Variants in C16orf89 observed in about 807,000 individuals in gnomAD.
The protein encoded by C16orf89 is chromosome 16 open reading frame 89.
A neutral mutation model predicts 41.5 loss-of-function variants in C16orf89; 57 were observed. The observed-to-expected ratio is 1.38, with a 90% CI of 1.11 to 1.71. The LOEUF is 1.71. Among genes scored for constraint, C16orf89 ranks in the 40% most tolerant of loss-of-function variants. The pLI is 0.00. For synonymous variants in C16orf89, 223 were observed against 190.6 expected (o/e 1.17, Z -1.40); for missense variants, 575 against 445.9 (o/e 1.29, Z -2.61).
intron 4 of C16orf89, 32 bp from the exon 5 acceptor site, chr16:5,056,220 T>C: frequency 6.4e-7 from 1 of 1,568,262 alleles, no homozygotes; most frequent in Non-Finnish European, 8.7e-7. Flanking sequence ...GACAAGGGAG[T>C]CAGTGGTACA....
Position 5,056,035 on chromosome 16 carries a change from G to T in C16orf89, c.763+18C>A, listed in dbSNP as rs1956494782. 2.5e-6 allele frequency: 4 copies of T among 1,580,506 alleles called. No homozygotes were observed. Among genetic ancestry groups the T allele is most frequent in the South Asian group, 1.1e-5 (1 of 89,168 alleles). ...GACACCCTGTTCCTTTGCCCCGGGG[G>T]CAGAATGCTGGCCATACTGTTTTCC... On this transcript the variant is annotated intron_variant, in intron 5 of 7. Transcript: ENST00000472572.
chr16:5,054,334 G>C (rs1363626698), intron 6 of C16orf89, among the ~76,000 whole-genome samples: 2 of 152,136 alleles, frequency 1.3e-5, no homozygotes, highest in Non-Finnish European at 2.9e-5. Context: ...AAAGGGACCA[G>C]CTGTCCATTG....
intron 7 of C16orf89, chr16:5,044,680 A>G (rs1344415772): frequency 9.1e-7 from 1 of 1,101,552 alleles, no homozygotes; most frequent in African/African-American, 1.6e-5. Context: ...TGTCTCTACT[A>G]AAAAAATATA....
chr16:5,060,536 G>T, intron 2 of C16orf89, 100 bp from the exon 3 acceptor site: 1 of 1,273,092 alleles, frequency 7.9e-7, no homozygotes, highest in Non-Finnish European at 1.1e-6. Context: ...CTGCCCACTG[G>T]CAGGTGCAGC....
chr16:5,056,052 C>G lies in C16orf89; in HGVS notation c.763+1G>C. On this transcript the variant is annotated splice_donor_variant, in intron 5 of 7. Transcript: ENST00000472572. LOFTEE classifies it high-confidence loss of function. The stretch of plus-strand genomic sequence containing the variant: ...CCCCGGGGGCAGAATGCTGGCCATA[C>G]TGTTTTCCATGAAGATGTCCCGGGT... 6.3e-7 allele frequency: 1 copy of G among 1,588,870 alleles called. No homozygotes were observed. The highest frequency in any genetic ancestry group is 2.3e-5 in the East Asian group (1 of 43,812).
intron 2 of C16orf89, among the ~76,000 whole-genome samples, chr16:5,061,769 G>A (rs1052962411): frequency 4.6e-5 from 7 of 152,092 alleles, no homozygotes; most frequent in African/African-American, 1.7e-4. Flanking sequence ...CTACCTCCCC[G>A]CTCACCCCCA....
intron 6 of C16orf89, among the ~76,000 whole-genome samples, chr16:5,051,129 G>A (rs2142619194): frequency 6.6e-6 from 1 of 152,264 alleles, no homozygotes; most frequent in Middle Eastern, 3.4e-3. Flanking sequence ...AGCTTTTCCT[G>A]TAAGAACTGG....
intron 6 of C16orf89, among the ~76,000 whole-genome samples, chr16:5,053,863 C>T (rs62036228): frequency 6.6e-5 from 10 of 152,014 alleles, no homozygotes; most frequent in African/African-American, 1.5e-4. Flanking sequence ...GCTAGAAGAG[C>T]GAATTTGGAA....
intron 6 of C16orf89, among the ~76,000 whole-genome samples, chr16:5,048,454 G>C (rs748128237): frequency 2.0e-5 from 3 of 152,196 alleles, no homozygotes. Flanking sequence ...CCTGTCTGCA[G>C]ATCCTTTTGC....
chr16:5,063,950 A>T (rs1956681953), intron 1 of C16orf89, among the ~76,000 whole-genome samples: 1 of 152,090 alleles, frequency 6.6e-6, no homozygotes, highest in Non-Finnish European at 1.5e-5. Flanking sequence ...AACATGGTAA[A>T]ACCTCATCTC....
intron 3 of C16orf89, 151 bp downstream of exon 3, chr16:5,060,135 G>A (rs1301996693): frequency 1.1e-5 from 10 of 938,076 alleles, no homozygotes; most frequent in Non-Finnish European, 1.2e-5. Flanking sequence ...GAGTAGGAGA[G>A]GGCAGTACCC....
intron 6 of C16orf89, 30 bp downstream of exon 6, chr16:5,055,216 C>A: frequency 1.3e-6 from 2 of 1,550,410 alleles, no homozygotes; most frequent in Non-Finnish European, 1.8e-6. Flanking sequence ...CACTGCCCCC[C>A]TTCTTAGCCA....
chr16:5,062,557 G>T lies in C16orf89; in HGVS notation c.226C>A (p.Arg76=). 9 of 1,611,484 alleles carry T rather than the reference G, an allele frequency of 5.6e-6. No homozygotes were observed. Among genetic ancestry groups the T allele is most frequent in the Non-Finnish European group, 7.6e-6 (9 of 1,178,876 alleles). ...AGGGGCTCCTGGGCCCACTTCTCCC[G>T]GACACTTTTTAGCTGCTCTGGAAGG... ...RVLEEQLKSV[R]EKWAQEPLLQ... The change falls in exon 2 of 8, where the codon CGG becomes AGG. Residue 76 remains arginine (R), a synonymous_variant. Transcript: ENST00000472572.
intron 2 of C16orf89, 110 bp downstream of exon 2, chr16:5,062,315 C>T (rs377603737): frequency 1.1e-4 from 140 of 1,330,766 alleles, no homozygotes; most frequent in African/African-American, 3.7e-4. Context: ...AAGTTGGTTA[C>T]GGACTGTCCC....
At position 5,065,840 on chromosome 16, in the gene C16orf89, C is replaced by G; in HGVS notation, c.69G>C (p.Leu23=). 6.2e-7 allele frequency: 1 copy of G among 1,614,252 alleles called. No individual in the cohort carries two copies. Among genetic ancestry groups the G allele is most frequent in the South Asian group, 1.1e-5 (1 of 91,088 alleles). ...TACTTTCAGCAGTGTCCAGCCCAGG[C>G]AGTGAGGAGGACCACAGCGGTGGCA... is the stretch of plus-strand genomic sequence containing the variant. ...TALPPLWSSS[L]PGLDTAESKA... is the part of the protein sequence containing the mutation. Residue 23 remains leucine (L), a synonymous_variant, in exon 1 of 8, where the codon CTG becomes CTC. Transcript: ENST00000472572.
intron 6 of C16orf89, 56 bp from the exon 7 acceptor site, chr16:5,048,020 T>A: frequency 1.0e-6 from 1 of 952,466 alleles, no homozygotes; most frequent in East Asian, 2.6e-5. Flanking sequence ...TTTTACATTT[T>A]TATTTCTTTT....
Position 5,047,465 on chromosome 16 carries a change from T to C in C16orf89, c.955+413A>G, listed in dbSNP as rs145702927. Among the ~76,000 whole-genome samples, 880 of 138,984 alleles carry C rather than the reference T, an allele frequency of 6.3e-3. 11 individuals carry two copies. Among genetic ancestry groups the C allele is most frequent in the African/African-American group, 0.021 (842 of 40,834 alleles). 91.2% of individuals were successfully genotyped at this position (138,984 alleles called of 152,430 possible). A position where few individuals can be genotyped will look rare whatever the true frequency, so the allele number is the denominator to read the frequency against. The stretch of plus-strand genomic sequence containing the variant: ...GTATCTCTTGGACTCCCCACTTTCT[T>C]TCTTTCTTTTTTTTTTTTTTGAGAC... On this transcript the variant is annotated intron_variant, in intron 7 of 7. Transcript: ENST00000472572.
chr16:5,059,453 G>C (rs2142658156), intron 3 of C16orf89, among the ~76,000 whole-genome samples: 1 of 152,144 alleles, frequency 6.6e-6, no homozygotes, highest in East Asian at 2.0e-4. Context: ...CTGGGGGACA[G>C]TGAGCCTCTG....
chr16:5,052,088 C>T (rs1424997438), intron 6 of C16orf89, among the ~76,000 whole-genome samples: 4 of 104,898 alleles, frequency 3.8e-5, no homozygotes, highest in African/African-American at 1.2e-4. Flanking sequence ...GGTGACAGAA[C>T]GAGACTGTCT....
Sources: gnomAD v4.1 joint callset for allele counts (sites outside exome capture counted in the v4.1 genomes callset) on GRCh38, gnomAD v4.1.1 for gene constraint, MANE v1.5 for transcripts, NCBI Gene and HGNC (gene_info 2026-07-23, HGNC 2026-07-21) for gene names.